The following HS6ST3 variants were observed in gnomAD, a reference collection of about 807,000 sequenced individuals.
HS6ST3 encodes heparan-sulfate 6-O-sulfotransferase 3.
HS6ST3 carries 12 observed loss-of-function variants against 36.7 expected under a neutral mutation model. That is an observed-to-expected ratio of 0.33 (90% CI 0.21 to 0.53). The LOEUF is 0.53. Ranked by LOEUF, HS6ST3 falls within the 20% of genes least tolerant of loss-of-function variation. HS6ST3 has a pLI of 0.95. For missense variants in HS6ST3, 584 were observed against 640.9 expected (o/e 0.91, Z 0.96); for synonymous variants, 240 against 257.5 (o/e 0.93, Z 0.65).
intron 1 of HS6ST3, among the ~76,000 whole-genome samples, chr13:96,580,213 TATATATATATA>T (rs2056336881): frequency 6.8e-6 from 1 of 148,018 alleles, no homozygotes; most frequent in Non-Finnish European, 1.5e-5. Context: ...TATATATATA[TATATATATATA>T]TATTTATGAA....
intron 1 of HS6ST3, among the ~76,000 whole-genome samples, chr13:96,600,353 CA>C (rs1292728354): frequency 4.0e-5 from 6 of 151,630 alleles, no homozygotes; most frequent in East Asian, 1.9e-4. Context: ...CACACACACA[CA>C]CACACATATA....
At chr13:96,505,617 C>T (rs561092418) in intron 1 of HS6ST3, among the ~76,000 whole-genome samples, 2 of 152,256 alleles carry the variant, frequency 1.3e-5, no homozygotes, top group African/African-American at 4.8e-5. Context: ...GAATTATTTA[C>T]TTGTCTTCAT....
At chr13:96,260,630 CTTTCTTTTTTTCT>C (rs1227821985) in intron 1 of HS6ST3, among the ~76,000 whole-genome samples, 12 of 148,632 alleles carry the variant, frequency 8.1e-5, no homozygotes, top group Admixed American at 7.4e-4. Context: ...CTTTTCTTTT[CTTTCTTTTTTTCT>C]TTTCTTTTTT....
At chr13:96,510,189 T>C (rs1446478119) in intron 1 of HS6ST3, among the ~76,000 whole-genome samples, 1 of 151,994 alleles carries the variant, frequency 6.6e-6, no homozygotes, top group Non-Finnish European at 1.5e-5. Context: ...GATTCACAGC[T>C]TGGTCATTGA....
intron 1 of HS6ST3, among the ~76,000 whole-genome samples, chr13:96,691,697 C>G (rs1254856374): frequency 1.3e-5 from 2 of 151,650 alleles, no homozygotes; most frequent in Non-Finnish European, 2.9e-5. Context: ...TTGAAACAAC[C>G]TGAACACTCA....
At chr13:96,112,584 T>TATAC (rs2053874698) in intron 1 of HS6ST3, among the ~76,000 whole-genome samples, 1 of 8,776 alleles carries the variant, frequency 1.1e-4, no homozygotes, top group Admixed American at 1.1e-3. Flanking sequence ...AATAAATATA[T>TATAC]ATATATATAT....
chr13:96,647,748 A>C (rs1405996378), intron 1 of HS6ST3, among the ~76,000 whole-genome samples: 3 of 151,990 alleles, frequency 2.0e-5, no homozygotes, highest in Non-Finnish European at 2.9e-5. Context: ...GAAATGCTAA[A>C]TGTTTTTTTT....
chr13:96,294,249 CA>C (rs996996631), intron 1 of HS6ST3, among the ~76,000 whole-genome samples: 2 of 152,106 alleles, frequency 1.3e-5, no homozygotes, highest in Admixed American at 6.6e-5. Context: ...GTTACCAATA[CA>C]ACATTTAGAT....
rs540736525 is a variant in HS6ST3, at chr13:96,445,290, T to A, written c.707+353721T>A. Among the ~76,000 whole-genome samples, 168 of 152,298 alleles carry A rather than the reference T, an allele frequency of 1.1e-3. 1 individual carries two copies. Among genetic ancestry groups the A allele is most frequent in the African/African-American group, 3.9e-3 (164 of 41,564 alleles). ...TTATGAAATAAAACAATCAGTTGAG[T>A]AAAAACTGTGTCAGGAGATGCTTGA... On this transcript the variant is annotated intron_variant, in intron 1 of 1. Coordinates refer to ENST00000376705, the MANE Select transcript of HS6ST3 (RefSeq NM_153456.4).
rs188971601 is a variant in HS6ST3 at position 96,535,249 on chromosome 13, C to A, written c.708-297241C>A. 3.3e-5 allele frequency among the ~76,000 whole-genome samples: 5 copies of A among 151,940 alleles called. No individual in the cohort carries two copies. The East Asian group carries it at 9.8e-4, about 30-fold the overall frequency. On this transcript the variant is annotated intron_variant, in intron 1 of 1. Transcript: ENST00000376705. ...CGTAGAAGATTATTCTATAGGTATG[C>A]GTGGAGTTAAAAGTTGGAGAATCTT...
intron 1 of HS6ST3, among the ~76,000 whole-genome samples, chr13:96,234,715 T>C (rs1029289778): frequency 6.6e-6 from 1 of 152,126 alleles, no homozygotes; most frequent in Admixed American, 6.5e-5. Context: ...ATCCTTCCGA[T>C]GATACGTGGG....
At chr13:96,175,694 C>G (rs1394669672) in intron 1 of HS6ST3, among the ~76,000 whole-genome samples, 1 of 140,824 alleles carries the variant, frequency 7.1e-6, no homozygotes. Flanking sequence ...GTGAATTTGG[C>G]AAAAAAAAAA....
chr13:96,329,490 T>G (rs2055052914), intron 1 of HS6ST3, among the ~76,000 whole-genome samples: 2 of 148,204 alleles, frequency 1.3e-5, no homozygotes, highest in South Asian at 4.3e-4. Context: ...AGTTGACCGG[T>G]TTTGAGTGAG....
chr13:96,145,295 C>T (rs1403969618), intron 1 of HS6ST3, among the ~76,000 whole-genome samples: 3 of 150,764 alleles, frequency 2.0e-5, no homozygotes, highest in Non-Finnish European at 4.4e-5. Flanking sequence ...TCCTATTTCT[C>T]CACATCCTCT....
At chr13:96,331,283 G>T (rs1395008993) in intron 1 of HS6ST3, among the ~76,000 whole-genome samples, 1 of 152,062 alleles carries the variant, frequency 6.6e-6, no homozygotes, top group African/African-American at 2.4e-5. Flanking sequence ...CAGTTTTTCT[G>T]CTCTGTTTTT....
chr13:96,617,739 C>T (rs2056479654), intron 1 of HS6ST3, among the ~76,000 whole-genome samples: 1 of 152,152 alleles, frequency 6.6e-6, no homozygotes, highest in South Asian at 2.1e-4. Context: ...TCAACATCAC[C>T]TGGGAAATTC....
Position 96,641,947 on chromosome 13 carries a change from CT to C in HS6ST3, c.708-190536del, listed in dbSNP as rs571902540. ...AACAAACAAAAAACATTTATAATAT[CT>C]TTTTTTAAATGTACCTATGTGGTTA... On this transcript the variant is annotated intron_variant, in intron 1 of 1. Coordinates refer to ENST00000376705, the MANE Select transcript of HS6ST3 (RefSeq NM_153456.4). Among the ~76,000 whole-genome samples, 791 of 151,818 alleles carry C rather than the reference CT, an allele frequency of 5.2e-3. 8 individuals carry two copies. The highest frequency in any genetic ancestry group is 0.018 in the African/African-American group (753 of 41,478).
chr13:96,599,570 C>T (rs969364419), intron 1 of HS6ST3, among the ~76,000 whole-genome samples: 1 of 151,100 alleles, frequency 6.6e-6, no homozygotes, highest in Non-Finnish European at 1.5e-5. Flanking sequence ...ATTTTTTTAT[C>T]TTTCCAAATA....
intron 1 of HS6ST3, among the ~76,000 whole-genome samples, chr13:96,519,292 G>A (rs150520495): frequency 3.2e-4 from 49 of 152,284 alleles, no homozygotes; most frequent in Admixed American, 1.2e-3. Flanking sequence ...GATTGGTATC[G>A]TGTTTCATAG....
Sources: gnomAD v4.1 joint callset for allele counts (sites outside exome capture counted in the v4.1 genomes callset) on GRCh38, gnomAD v4.1.1 for gene constraint, MANE v1.5 for transcripts, NCBI Gene and HGNC (gene_info 2026-07-23, HGNC 2026-07-21) for gene names.